SHLD1: variants seen among roughly 807,000 people sequenced by gnomAD.
SHLD1 encodes RINN1-REV7-interacting novel NHEJ regulator 3.
SHLD1 carries 3 observed loss-of-function variants against 5.5 expected under a neutral mutation model. That is an observed-to-expected ratio of 0.54 (90% CI 0.25 to 1.40). SHLD1 has a LOEUF of 1.40. Among genes scored for constraint, SHLD1 ranks in the 40% most tolerant of loss-of-function variants. The probability of loss-of-function intolerance (pLI) is 0.15; values close to 1 mark genes in which losing one functional copy is unlikely to be tolerated. For synonymous variants in SHLD1, 92 were observed against 94.3 expected (o/e 0.98, Z 0.14); for missense variants, 210 against 244.4 (o/e 0.86, Z 0.94).
chr20:5,755,004 C>T (rs1010895852), intron 1 of SHLD1, among the ~76,000 whole-genome samples: 8 of 151,214 alleles, frequency 5.3e-5, no homozygotes, highest in South Asian at 2.1e-4. Context: ...TGCAGTGAGC[C>T]GAGATCGTGC....
chr20:5,800,361 T>C (rs1422831439), intron 2 of SHLD1, among the ~76,000 whole-genome samples: 3 of 152,228 alleles, frequency 2.0e-5, no homozygotes, highest in Admixed American at 6.5e-5. Flanking sequence ...GAGATTTCTT[T>C]AAAGGCTCTT....
At chr20:5,850,114 A>G (rs1402746421) in intron 2 of SHLD1, among the ~76,000 whole-genome samples, 3 of 110,564 alleles carry the variant, frequency 2.7e-5, no homozygotes, top group African/African-American at 1.4e-4. Context: ...CCCCGTCTCA[A>G]TAATAATAAT....
chr20:5,764,369 C>G (rs1484944864), intron 1 of SHLD1, among the ~76,000 whole-genome samples: 1 of 150,574 alleles, frequency 6.6e-6, no homozygotes, highest in South Asian at 2.1e-4. Context: ...ATTCATGCTT[C>G]CTTCAGCTAA....
chr20:5,784,870 C>G (rs2087038928), intron 2 of SHLD1, among the ~76,000 whole-genome samples: 2 of 152,192 alleles, frequency 1.3e-5, no homozygotes, highest in African/African-American at 4.8e-5. Flanking sequence ...CTTCTGTGTA[C>G]TTTGCCTGCA....
At chr20:5,802,044 G>A (rs953368083) in intron 2 of SHLD1, among the ~76,000 whole-genome samples, 6 of 152,208 alleles carry the variant, frequency 3.9e-5, no homozygotes, top group African/African-American at 1.4e-4. Context: ...AATTATCATT[G>A]TTATTATTAT....
At chr20:5,762,792 G>A (rs1289983044) in intron 1 of SHLD1, among the ~76,000 whole-genome samples, 1 of 151,884 alleles carries the variant, frequency 6.6e-6, no homozygotes, top group African/African-American at 2.4e-5. Flanking sequence ...GGCCAACATG[G>A]TGAAACTCAG....
chr20:5,792,973 C>T (rs1487355885), intron 2 of SHLD1, among the ~76,000 whole-genome samples: 1 of 152,212 alleles, frequency 6.6e-6, no homozygotes, highest in Non-Finnish European at 1.5e-5. Context: ...CCACGCCTGG[C>T]CTCGACTTTG....
chr20:5,760,974 G>T (rs1179606868), intron 1 of SHLD1, among the ~76,000 whole-genome samples: 1 of 152,128 alleles, frequency 6.6e-6, no homozygotes, highest in Non-Finnish European at 1.5e-5. Flanking sequence ...TGCCAAAGGG[G>T]TGTGATGAAA....
intron 2 of SHLD1, among the ~76,000 whole-genome samples, chr20:5,796,225 C>T (rs1001457201): frequency 3.3e-5 from 5 of 152,036 alleles, no homozygotes; most frequent in African/African-American, 1.2e-4. Flanking sequence ...ATTTTTATAG[C>T]TGTTTATTAC....
chr20:5,762,213 CAGCCTGGG>C (rs1254897544), intron 1 of SHLD1, among the ~76,000 whole-genome samples: 2 of 151,216 alleles, frequency 1.3e-5, no homozygotes, highest in African/African-American at 4.9e-5. Flanking sequence ...GATTGCACAA[CAGCCTGGG>C]TGACAGAGTG....
chr20:5,823,959 G>A lies in SHLD1; in HGVS notation c.179-39065G>A, dbSNP rs555715080. On this transcript the variant is annotated intron_variant, in intron 2 of 2. Transcript: ENST00000303142. ...CTTCCACAACTCCTGCAGTAGCCTC[G>A]TACCTGGGCTCCAGTCCCATGCTTG... Among the ~76,000 whole-genome samples the A allele has an allele frequency of 2.4e-4, 36 of 152,152 alleles. No homozygotes were observed. In the South Asian group the frequency reaches 6.6e-3, roughly 28 times the overall value.
At chr20:5,760,350 T>C (rs769217560) in intron 1 of SHLD1, among the ~76,000 whole-genome samples, 1 of 151,792 alleles carries the variant, frequency 6.6e-6, no homozygotes, top group African/African-American at 2.4e-5. Context: ...TAGGGGAGTT[T>C]AGGAAGTTCC....
intron 2 of SHLD1, among the ~76,000 whole-genome samples, chr20:5,850,378 C>T (rs1412181988): frequency 6.6e-6 from 1 of 152,070 alleles, no homozygotes; most frequent in African/African-American, 2.4e-5. Flanking sequence ...TCCAGACCAC[C>T]TCTCACTAGG....
intron 2 of SHLD1, among the ~76,000 whole-genome samples, chr20:5,844,209 C>G (rs1318077310): frequency 6.6e-6 from 1 of 152,228 alleles, no homozygotes; most frequent in African/African-American, 2.4e-5. Flanking sequence ...GTGATTCTGA[C>G]TCAGCCAGCA....
chr20:5,825,661 A>G lies in SHLD1; in HGVS notation c.179-37363A>G, dbSNP rs1311562827. ...AGGCCAAGGTGGGAGGCTGGGCTTA[A>G]GCCCAGGAGATCAAGGCTGTAGTGA... On this transcript the variant is annotated intron_variant, in intron 2 of 2. Transcript: ENST00000303142. 5.1e-4 allele frequency among the ~76,000 whole-genome samples: 78 copies of G among 152,296 alleles called. 2 individuals are homozygous for G. Among genetic ancestry groups the G allele is most frequent in the Non-Finnish European group, 8.8e-5 (6 of 68,038 alleles).
At chr20:5,774,000 T>C (rs143890727) in intron 2 of SHLD1, among the ~76,000 whole-genome samples, 2,173 of 152,130 alleles carry the variant, frequency 0.014, 58 homozygotes, top group African/African-American at 0.05. Flanking sequence ...GGTCAGGAGT[T>C]CAAGACCAGC....
chr20:5,750,511 A>AG (rs1983679415), intron 1 of SHLD1, 32 bp downstream of exon 1: 1 of 21,948 alleles, frequency 4.6e-5, no homozygotes, highest in African/African-American at 2.1e-4. Flanking sequence ...GGGGGGTTGG[A>AG]GTGGTGGGGG....
intron 2 of SHLD1, among the ~76,000 whole-genome samples, chr20:5,857,370 C>T (rs1015847098): frequency 2.6e-5 from 4 of 152,160 alleles, no homozygotes; most frequent in African/African-American, 9.7e-5. Context: ...ACAGACCAAC[C>T]AAGGAAGCGG....
At chr20:5,774,093 A>G (rs1270877541) in intron 2 of SHLD1, among the ~76,000 whole-genome samples, 1 of 152,026 alleles carries the variant, frequency 6.6e-6, no homozygotes, top group Non-Finnish European at 1.5e-5. Flanking sequence ...AATACCAGCT[A>G]CTCGGGAGGC....
Sources: gnomAD v4.1 joint callset for allele counts (sites outside exome capture counted in the v4.1 genomes callset) on GRCh38, gnomAD v4.1.1 for gene constraint, MANE v1.5 for transcripts, NCBI Gene and HGNC (gene_info 2026-07-23, HGNC 2026-07-21) for gene names.